Variants in CHRNA7 observed in about 807,000 individuals in gnomAD.
CHRNA7 encodes the protein cholinergic receptor nicotinic alpha 7 subunit, also known as neuronal acetylcholine receptor subunit alpha-7.
CHRNA7 carries 17 observed loss-of-function variants against 48.0 expected under a neutral mutation model. That is an observed-to-expected ratio of 0.35 (90% CI 0.24 to 0.53). The LOEUF (loss-of-function observed/expected upper bound fraction) is 0.53. Among genes scored for constraint, CHRNA7 ranks in the 20% least tolerant of loss-of-function variants. The probability of loss-of-function intolerance (pLI) is 0.92; values close to 1 mark genes in which losing one functional copy is unlikely to be tolerated. For synonymous variants in CHRNA7, 75 were observed against 242.3 expected, an observed-to-expected ratio of 0.31 and a Z score of 6.41; for missense variants, 155 against 577.7, an observed-to-expected ratio of 0.27 and a Z score of 7.50.
chr15:32,131,611 A>G (rs995327966), intron 4 of CHRNA7, among the ~76,000 whole-genome samples: 2 of 152,170 alleles, frequency 1.3e-5, no homozygotes, highest in South Asian at 2.1e-4. Context: ...CTACCAAAGC[A>G]TTATTATGAT....
intron 2 of CHRNA7, among the ~76,000 whole-genome samples, chr15:32,034,199 GA>G (rs1399348491): frequency 6.6e-6 from 1 of 152,202 alleles, no homozygotes; most frequent in Non-Finnish European, 1.5e-5. Flanking sequence ...TTCTAAAGAT[GA>G]GAAGGAGTTT....
chr15:32,125,163 A>G (rs1446452839), intron 4 of CHRNA7, among the ~76,000 whole-genome samples: 1 of 150,410 alleles, frequency 6.6e-6, no homozygotes, highest in Non-Finnish European at 1.5e-5. Flanking sequence ...GCAGCTGACA[A>G]ACTTTGAACT....
chr15:32,082,710 A>G (rs779550777), intron 2 of CHRNA7, among the ~76,000 whole-genome samples: 1 of 152,210 alleles, frequency 6.6e-6, no homozygotes, highest in Non-Finnish European at 1.5e-5. Flanking sequence ...TGTATAAGCA[A>G]TGATGTATTG....
At chr15:32,105,044 G>A in intron 3 of CHRNA7, among the ~76,000 whole-genome samples, 1 of 152,196 alleles carries the variant, frequency 6.6e-6, no homozygotes. Flanking sequence ...CTTCCAGTAT[G>A]GAATTCAGAT....
intron 4 of CHRNA7, among the ~76,000 whole-genome samples, chr15:32,141,072 T>G (rs1300146560): frequency 6.6e-6 from 1 of 152,256 alleles, no homozygotes; most frequent in Non-Finnish European, 1.5e-5. Context: ...GTTTAAGTCT[T>G]TAATCCATCT....
At chr15:32,048,674 T>TTCCGC (rs2049603093) in intron 2 of CHRNA7, among the ~76,000 whole-genome samples, 2 of 152,114 alleles carry the variant, frequency 1.3e-5, no homozygotes, top group African/African-American at 4.8e-5. Flanking sequence ...TTTCCTTCAG[T>TTCCGC]TCTGCTCTGA....
At chr15:32,129,796 G>A (rs1160996872) in intron 4 of CHRNA7, among the ~76,000 whole-genome samples, 2 of 150,868 alleles carry the variant, frequency 1.3e-5, no homozygotes, top group African/African-American at 2.4e-5. Context: ...GTTTCTTACC[G>A]AGTGAGCATA....
chr15:32,079,423 C>A (rs1173906926), intron 2 of CHRNA7, among the ~76,000 whole-genome samples: 1 of 152,204 alleles, frequency 6.6e-6, no homozygotes, highest in African/African-American at 2.4e-5. Context: ...AGCTTCAAAT[C>A]TCCTTAAGCT....
chr15:32,057,903 T>C (rs922703919), intron 2 of CHRNA7, among the ~76,000 whole-genome samples: 1 of 152,200 alleles, frequency 6.6e-6, no homozygotes, highest in African/African-American at 2.4e-5. Flanking sequence ...GATATACATG[T>C]AAGTCAGGTA....
chr15:32,049,673 A>G (rs2049628128), intron 2 of CHRNA7, among the ~76,000 whole-genome samples: 1 of 152,154 alleles, frequency 6.6e-6, no homozygotes, highest in Non-Finnish European at 1.5e-5. Context: ...TTATGTGTGA[A>G]TTTGATCCTG....
chr15:32,057,073 A>G (rs1467628361), intron 2 of CHRNA7, among the ~76,000 whole-genome samples: 1 of 152,190 alleles, frequency 6.6e-6, no homozygotes, highest in Non-Finnish European at 1.5e-5. Flanking sequence ...GCATGGGGTG[A>G]TGAATTGGCT....
chr15:32,112,791 A>C (rs1424195232), intron 4 of CHRNA7, among the ~76,000 whole-genome samples: 1 of 152,148 alleles, frequency 6.6e-6, no homozygotes, highest in South Asian at 2.1e-4. Context: ...CTACATGGCT[A>C]CTTCCAGAAG....
intron 2 of CHRNA7, among the ~76,000 whole-genome samples, chr15:32,053,671 C>T (rs1013143818): frequency 3.9e-5 from 6 of 152,192 alleles, no homozygotes; most frequent in African/African-American, 1.4e-4. Flanking sequence ...TTTCCAAGAT[C>T]TAAAGCTTGA....
At chr15:32,127,066 C>G (rs1036166608) in intron 4 of CHRNA7, among the ~76,000 whole-genome samples, 5 of 152,166 alleles carry the variant, frequency 3.3e-5, no homozygotes, top group African/African-American at 1.2e-4. Flanking sequence ...CCGCTTGTCC[C>G]TAACTACTGG....
At chr15:32,089,621 G>A (rs2050351531) in intron 2 of CHRNA7, among the ~76,000 whole-genome samples, 1 of 151,834 alleles carries the variant, frequency 6.6e-6, no homozygotes, top group Admixed American at 6.6e-5. Context: ...TTTTCCTTTA[G>A]CACCTTTAGC....
intron 4 of CHRNA7, among the ~76,000 whole-genome samples, chr15:32,142,607 G>A (rs1054329058): frequency 6.6e-6 from 1 of 152,172 alleles, no homozygotes; most frequent in Non-Finnish European, 1.5e-5. Flanking sequence ...CCTGTTGTTA[G>A]TCTATTCAGA....
intron 2 of CHRNA7, among the ~76,000 whole-genome samples, chr15:32,054,742 CTCT>C (rs1203424185): frequency 6.6e-6 from 1 of 152,110 alleles, no homozygotes; most frequent in Non-Finnish European, 1.5e-5. Context: ...TTGTCTGTAG[CTCT>C]TCTTTCTTCA....
intron 2 of CHRNA7, among the ~76,000 whole-genome samples, chr15:32,032,361 C>T (rs939548779): frequency 3.9e-5 from 6 of 152,062 alleles, no homozygotes; most frequent in African/African-American, 1.4e-4. Flanking sequence ...TTGGGATCTT[C>T]GGTGGGTTCT....
At chr15:32,136,180 T>C (rs2051252990) in intron 4 of CHRNA7, among the ~76,000 whole-genome samples, 4 of 152,106 alleles carry the variant, frequency 2.6e-5, no homozygotes, top group Admixed American at 1.3e-4. Flanking sequence ...ATAATAATGA[T>C]GAATTTGAGA....
Sources: gnomAD v4.1 joint callset for allele counts (sites outside exome capture counted in the v4.1 genomes callset) on GRCh38, gnomAD v4.1.1 for gene constraint, MANE v1.5 for transcripts, NCBI Gene and HGNC (gene_info 2026-07-23, HGNC 2026-07-21) for gene names.